PALD1: variants seen among roughly 807,000 people sequenced by gnomAD.
PALD1 encodes paladin.
A neutral mutation model predicts 96.0 loss-of-function variants in PALD1; 57 were observed. The ratio of observed to expected loss-of-function variants is 0.59; its 90% CI spans 0.48 to 0.74. The LOEUF is 0.74. Among genes scored for constraint, PALD1 ranks in the 30% least tolerant of loss-of-function variants. PALD1 has a pLI of 0.00. For synonymous variants in PALD1, 464 were observed against 473.6 expected, an observed-to-expected ratio of 0.98 and a Z score of 0.26; for missense variants, 1,063 against 1,143.7, an observed-to-expected ratio of 0.93 and a Z score of 1.02.
At chr10:70,536,255 C>T (rs375558392) in intron 10 of PALD1, among the ~76,000 whole-genome samples, 31 of 151,984 alleles carry the variant, frequency 2.0e-4, no homozygotes, top group Non-Finnish European at 3.1e-4. Context: ...GGGCTATGAT[C>T]GTACCACTGC....
chr10:70,513,954 C>T (rs1846570354), intron 1 of PALD1, among the ~76,000 whole-genome samples: 1 of 152,218 alleles, frequency 6.6e-6, no homozygotes, highest in East Asian at 1.9e-4. Context: ...ATCCCGAGAA[C>T]CCGCCTGCCA....
intron 1 of PALD1, among the ~76,000 whole-genome samples, chr10:70,487,697 A>T (rs1408491381): frequency 6.9e-6 from 1 of 145,962 alleles, no homozygotes; most frequent in Non-Finnish European, 1.5e-5. Context: ...TTTTTTCTTT[A>T]AAAAAAAAAA....
chr10:70,551,215 T>C (rs3812711), intron 18 of PALD1, among the ~76,000 whole-genome samples: 53,613 of 152,058 alleles, frequency 0.35, 9,861 homozygotes, highest in East Asian at 0.65. Flanking sequence ...CCACCCCTTC[T>C]CTCTAATGGT....
At chr10:70,556,108 G>A (rs1847603437) in intron 18 of PALD1, among the ~76,000 whole-genome samples, 1 of 152,138 alleles carries the variant, frequency 6.6e-6, no homozygotes, top group Non-Finnish European at 1.5e-5. Flanking sequence ...GGGCAGCCCT[G>A]CAGTGCTATG....
chr10:70,480,218 G>T (rs1344179729), intron 1 of PALD1, among the ~76,000 whole-genome samples: 2 of 152,222 alleles, frequency 1.3e-5, no homozygotes, highest in African/African-American at 4.8e-5. Context: ...TTTCCTGCTG[G>T]TGGATTTCTG....
intron 1 of PALD1, among the ~76,000 whole-genome samples, chr10:70,479,795 C>T (rs1845897651): frequency 6.6e-6 from 1 of 152,218 alleles, no homozygotes. Flanking sequence ...GGTAGAGTAA[C>T]CTGAACCCAG....
chr10:70,469,185 G>C, the PALD1 span, among the ~76,000 whole-genome samples: 1 of 152,212 alleles, frequency 6.6e-6, no homozygotes, highest in South Asian at 2.1e-4. Flanking sequence ...CTATCAGCCA[G>C]AGGATTACCT....
In PALD1 at chr10:70,515,647, G is replaced by A. The variant is rs571320448; in HGVS notation, c.-29-10276G>A. ...GATGAGGAGTTGGAGCCCTCGCTGT[G>A]CTGTGTGTCGGGCCATCCAGGTGTT... On this transcript the variant is annotated intron_variant, in intron 1 of 19. Transcript: ENST00000263563. Among the ~76,000 whole-genome samples the A allele has an allele frequency of 5.3e-5, 8 of 152,320 alleles. No individual in the cohort carries two copies. The East Asian group carries it at 1.3e-3, about 26-fold the overall frequency.
At chr10:70,519,221 G>A (rs572158036) in intron 1 of PALD1, among the ~76,000 whole-genome samples, 1 of 152,310 alleles carries the variant, frequency 6.6e-6, no homozygotes, top group African/African-American at 2.4e-5. Flanking sequence ...GGGATTACAG[G>A]TGTGAGCTAC....
Position 70,541,225 on chromosome 10 carries a change from G to C in PALD1, c.2032G>C (p.Ala678Pro). ...TTTAMVVAVL[A>P]FWHIQGFPEV... is the part of the protein sequence containing the mutation. ...AACTGCGATGGTGGTGGCTGTCCTG[G>C]CCTTCTGGCACATCCAAGTACGTGT... is the stretch of plus-strand genomic sequence containing the variant. Residue 678 changes from alanine to proline, a missense_variant, in exon 16 of 20, where the codon GCC (alanine) becomes CCC (proline). Ala to Pro is a conservative substitution (Grantham distance 27). Coordinates refer to ENST00000263563, the MANE Select transcript of PALD1 (RefSeq NM_014431.3). 6.2e-7 allele frequency: 1 copy of C among 1,607,874 alleles called. No individual in the cohort carries two copies. Among genetic ancestry groups the C allele is most frequent in the Non-Finnish European group, 8.5e-7 (1 of 1,177,680 alleles).
At chr10:70,479,336 C>T (rs2132249030) in intron 1 of PALD1, among the ~76,000 whole-genome samples, 1 of 152,308 alleles carries the variant, frequency 6.6e-6, no homozygotes, top group East Asian at 1.9e-4. Context: ...GACAATTCCA[C>T]TTTTCATTGC....
At chr10:70,512,893 C>T (rs956236884) in intron 1 of PALD1, among the ~76,000 whole-genome samples, 1 of 152,018 alleles carries the variant, frequency 6.6e-6, no homozygotes, top group Admixed American at 6.5e-5. Context: ...TTTAATTCAT[C>T]AAGAGAAGCC....
intron 1 of PALD1, among the ~76,000 whole-genome samples, chr10:70,508,041 A>C (rs1048833077): frequency 6.6e-6 from 1 of 152,122 alleles, no homozygotes. Flanking sequence ...TGGGCTGGAC[A>C]AGAAGATTGA....
chr10:70,473,902 C>G (rs200987227), upstream of PALD1, among the ~76,000 whole-genome samples: 3 of 124,614 alleles, frequency 2.4e-5, no homozygotes, highest in African/African-American at 1.1e-4. Context: ...CCCCCCCCCC[C>G]TCAGCCTCCC....
At chr10:70,494,770 G>A (rs1010365115) in intron 1 of PALD1, among the ~76,000 whole-genome samples, 1 of 152,238 alleles carries the variant, frequency 6.6e-6, no homozygotes, top group Non-Finnish European at 1.5e-5. Context: ...TGTGGAAGGG[G>A]ACTGGTCATG....
intron 18 of PALD1, among the ~76,000 whole-genome samples, chr10:70,564,122 TGGCGAGGAGAGGG>T (rs1212440458): frequency 1.2e-4 from 19 of 152,246 alleles, no homozygotes; most frequent in Middle Eastern, 3.4e-3. Flanking sequence ...TATGATTCCA[TGGCGAGGAGAGGG>T]ATGCTCAGGG....
intron 1 of PALD1, among the ~76,000 whole-genome samples, chr10:70,524,686 C>T (rs1251625436): frequency 1.3e-5 from 2 of 152,204 alleles, no homozygotes; most frequent in African/African-American, 2.4e-5. Context: ...TCCTATGCAA[C>T]CTGCTCTGTC....
chr10:70,564,607 C>T, intron 19 of PALD1, 88 bp downstream of exon 19: 5 of 1,295,302 alleles, frequency 3.9e-6, no homozygotes, highest in Non-Finnish European at 5.4e-6. Context: ...TGTACATGGC[C>T]TGCGGGGACC....
intron 1 of PALD1, among the ~76,000 whole-genome samples, chr10:70,518,060 C>T (rs1846653226): frequency 6.6e-6 from 1 of 152,142 alleles, no homozygotes. Flanking sequence ...TGCGCCATCA[C>T]GCCTGGCTAA....
Sources: allele counts gnomAD v4.1 joint callset (sites outside exome capture counted in the v4.1 genomes callset), GRCh38; gene constraint gnomAD v4.1.1; transcripts MANE v1.5; gene names NCBI Gene and HGNC (gene_info 2026-07-23, HGNC 2026-07-21).